Variants in CREB5 observed in about 807,000 individuals in gnomAD.
CREB5 encodes cyclic AMP-responsive element-binding protein 5.
In CREB5, 19 loss-of-function variants were observed where a neutral mutation model predicts 57.1. That is an observed-to-expected ratio of 0.33 (90% CI 0.23 to 0.49). The LOEUF (loss-of-function observed/expected upper bound fraction) is 0.49, where lower values mean the gene tolerates loss of function less well. Among genes scored for constraint, CREB5 ranks in the 20% least tolerant of loss-of-function variants. CREB5 has a pLI of 0.99. For synonymous variants in CREB5, 238 were observed against 238.3 expected, an observed-to-expected ratio of 1.00 and a Z score of 0.01; for missense variants, 579 against 671.6, an observed-to-expected ratio of 0.86 and a Z score of 1.52.
Position 28,362,265 on chromosome 7 carries a change from A to G in CREB5, c.-25+62824A>G, listed in dbSNP as rs563993933. ...AGCCAAGCAATGGCACTGGCTAGTG[A>G]TAAGCACAAAAAAGAGAAATTAACA... On this transcript the variant is annotated intron_variant, in intron 1 of 9. Transcript: ENST00000396299. 1.4e-4 allele frequency among the ~76,000 whole-genome samples: 21 copies of G among 152,336 alleles called. No homozygotes were observed. The East Asian group carries it at 4.0e-3, about 29-fold the overall frequency.
At chr7:28,598,767 C>G (rs556857886) in intron 5 of CREB5, among the ~76,000 whole-genome samples, 1 of 152,000 alleles carries the variant, frequency 6.6e-6, no homozygotes, top group Non-Finnish European at 1.5e-5. Context: ...TTAAGAAGAG[C>G]GGCATAGGTA....
chr7:28,681,686 T>TA (rs994719270), intron 5 of CREB5, among the ~76,000 whole-genome samples: 2 of 152,168 alleles, frequency 1.3e-5, no homozygotes, highest in African/African-American at 4.8e-5. Flanking sequence ...ATTGCTGGGA[T>TA]ACAATCTGCT....
At chr7:28,675,506 G>A (rs1800276136) in intron 5 of CREB5, among the ~76,000 whole-genome samples, 1 of 152,290 alleles carries the variant, frequency 6.6e-6, no homozygotes, top group Non-Finnish European at 1.5e-5. Context: ...TGAAACCAGT[G>A]AGGATTAAGA....
At chr7:28,588,204 C>T (rs762291940) in intron 5 of CREB5, among the ~76,000 whole-genome samples, 9 of 152,122 alleles carry the variant, frequency 5.9e-5, no homozygotes, top group Non-Finnish European at 1.2e-4. Context: ...CTATACGTAG[C>T]GGTACTGTTT....
chr7:28,604,287 A>G (rs1217052303), intron 5 of CREB5, among the ~76,000 whole-genome samples: 1 of 152,174 alleles, frequency 6.6e-6, no homozygotes, highest in Non-Finnish European at 1.5e-5. Flanking sequence ...TTCATATTGG[A>G]TATAGATATC....
intron 7 of CREB5, among the ~76,000 whole-genome samples, chr7:28,786,944 A>T (rs763153998): frequency 7.2e-5 from 11 of 152,168 alleles, no homozygotes; most frequent in Non-Finnish European, 1.5e-4. Context: ...GAATTATTTG[A>T]CAGATAACAG....
rs1007223392 is a variant in CREB5 at position 28,458,859 on chromosome 7, T to C, written c.4-29316T>C. ...TGGGCCTTGGAAATGGCAGTTCCCATAGGGAGTCCTGCACGAGCCATGAAG... is the reference window on the plus strand; with the variant it reads ...TGGGCCTTGGAAATGGCAGTTCCCACAGGGAGTCCTGCACGAGCCATGAAG... On this transcript the variant is annotated intron_variant, in intron 1 of 10. Transcript: ENST00000357727. 2.6e-4 allele frequency among the ~76,000 whole-genome samples: 39 copies of C among 152,230 alleles called. 1 individual carries two copies. The highest frequency in any genetic ancestry group is 7.9e-4 in the Admixed American group (12 of 15,280).
intron 1 of CREB5, among the ~76,000 whole-genome samples, chr7:28,416,186 C>T (rs1185198889): frequency 1.3e-5 from 2 of 152,148 alleles, no homozygotes; most frequent in Admixed American, 6.5e-5. Context: ...TGTTTGCATG[C>T]GATTTTATAT....
intron 1 of CREB5, among the ~76,000 whole-genome samples, chr7:28,399,261 A>T (rs1787398212): frequency 7.4e-6 from 1 of 135,554 alleles, no homozygotes; most frequent in South Asian, 2.3e-4. Flanking sequence ...GACAAAGCTA[A>T]AAGTAAAAAG....
At chr7:28,565,779 G>C (rs1795448254) in intron 4 of CREB5, among the ~76,000 whole-genome samples, 1 of 152,092 alleles carries the variant, frequency 6.6e-6, no homozygotes, top group Non-Finnish European at 1.5e-5. Context: ...AAATTAGCCA[G>C]GTGTGGTGGC....
At chr7:28,730,873 C>G (rs997340341) in intron 7 of CREB5, among the ~76,000 whole-genome samples, 1 of 152,162 alleles carries the variant, frequency 6.6e-6, no homozygotes, top group Non-Finnish European at 1.5e-5. Flanking sequence ...TTATATCATG[C>G]TATCCCTGGC....
chr7:28,356,464 G>A (rs906031762), intron 1 of CREB5, among the ~76,000 whole-genome samples: 2 of 152,226 alleles, frequency 1.3e-5, no homozygotes, highest in African/African-American at 4.8e-5. Flanking sequence ...TAGAGGTGAA[G>A]TGATACATGT....
chr7:28,382,656 G>A (rs990612999), intron 1 of CREB5, among the ~76,000 whole-genome samples: 2 of 151,554 alleles, frequency 1.3e-5, no homozygotes, highest in Non-Finnish European at 2.9e-5. Context: ...CTGAAGTATC[G>A]ATCCGTCAGC....
In CREB5 at chr7:28,460,297, T is replaced by A. The variant is rs536419430; in HGVS notation, c.4-27878T>A. 2.6e-5 allele frequency among the ~76,000 whole-genome samples: 4 copies of A among 152,324 alleles called. No homozygotes were observed. The South Asian group carries it at 8.3e-4, about 32-fold the overall frequency. On this transcript the variant is annotated intron_variant, in intron 1 of 10. Coordinates refer to ENST00000357727, the MANE Select transcript of CREB5 (RefSeq NM_182898.4). The stretch of plus-strand genomic sequence containing the variant: ...GAGGATAAAAAGGAAGATACTTACC[T>A]ATAAATATAGACATACCATATCTAA...
At chr7:28,781,715 T>A (rs938813298) in intron 7 of CREB5, among the ~76,000 whole-genome samples, 4 of 152,118 alleles carry the variant, frequency 2.6e-5, no homozygotes, top group African/African-American at 9.7e-5. Context: ...AGAGAAGCTA[T>A]GAATGCTTCC....
chr7:28,470,075 T>G (rs1250072801), intron 1 of CREB5, among the ~76,000 whole-genome samples: 2 of 152,226 alleles, frequency 1.3e-5, no homozygotes. Context: ...TTACAAATAA[T>G]CCAATACTCT....
intron 1 of CREB5, among the ~76,000 whole-genome samples, chr7:28,442,380 G>T (rs914690037): frequency 1.3e-5 from 2 of 152,084 alleles, no homozygotes; most frequent in Non-Finnish European, 2.9e-5. Flanking sequence ...CTTAGCTATC[G>T]TGAATAGTGC....
At chr7:28,625,433 G>A (rs1343305397) in intron 5 of CREB5, among the ~76,000 whole-genome samples, 1 of 152,164 alleles carries the variant, frequency 6.6e-6, no homozygotes, top group East Asian at 1.9e-4. Flanking sequence ...CAGGAGACAT[G>A]GAAGGAACTC....
intron 1 of CREB5, among the ~76,000 whole-genome samples, chr7:28,484,806 T>C (rs1791488677): frequency 6.6e-6 from 1 of 152,200 alleles, no homozygotes; most frequent in African/African-American, 2.4e-5. Context: ...GCATGATTTC[T>C]TATACTGACA....
Sources: allele counts gnomAD v4.1 joint callset (sites outside exome capture counted in the v4.1 genomes callset), GRCh38; gene constraint gnomAD v4.1.1; transcripts MANE v1.5; gene names NCBI Gene and HGNC (gene_info 2026-07-23, HGNC 2026-07-21).